PCDH10: variants seen among roughly 807,000 people sequenced by gnomAD.
PCDH10 encodes the protein protocadherin 10, also known as protocadherin-10.
PCDH10 carries 15 observed loss-of-function variants against 74.4 expected under a neutral mutation model. That is an observed-to-expected ratio of 0.20 (90% confidence interval 0.13 to 0.31). The LOEUF is 0.31. PCDH10 is among the 10% of genes least tolerant of loss of function. The probability of loss-of-function intolerance (pLI) is 1.00; values close to 1 mark genes in which losing one functional copy is unlikely to be tolerated. For synonymous variants in PCDH10, 619 were observed against 589.8 expected, an observed-to-expected ratio of 1.05 and a Z score of -0.72; for missense variants, 1,260 against 1,390.2, an observed-to-expected ratio of 0.91 and a Z score of 1.49.
intron 4 of PCDH10, among the ~76,000 whole-genome samples, chr4:133,176,478 C>A (rs1172463211): frequency 3.9e-5 from 6 of 152,090 alleles, no homozygotes; most frequent in Non-Finnish European, 8.8e-5. Context: ...AAAATTGGAA[C>A]AATGACATCA....
chr4:133,150,782 A>G lies in PCDH10; in HGVS notation c.642A>G (p.Glu214=), dbSNP rs370422575. The part of the protein sequence containing the change: ...VDGGGGGGVG[E]GGGGGGGAGL... ...GAGGAGGTGGGGGAGGAGTAGGAGA[A>G]GGAGGGGGAGGTGGCGGGGGAGCAG... Residue 214 remains glutamate (E), a synonymous_variant, in exon 1 of 5, where the codon GAA becomes GAG. Transcript: ENST00000264360. 157 of 956,140 alleles carry G rather than the reference A, an allele frequency of 1.6e-4. No individual in the cohort carries two copies. The highest frequency in any genetic ancestry group is 2.1e-4 in the Non-Finnish European group (143 of 689,250). The allele number at this position is 956,140 out of a possible 1,614,324, so 59.2% of individuals were successfully genotyped here. A position where few individuals can be genotyped will look rare whatever the true frequency, so the allele number is the denominator to read the frequency against.
At chr4:133,179,635 A>G (rs968920121) in intron 4 of PCDH10, among the ~76,000 whole-genome samples, 1 of 152,136 alleles carries the variant, frequency 6.6e-6, no homozygotes, top group Non-Finnish European at 1.5e-5. Context: ...CTCAGACACT[A>G]AGATACAGAC....
At chr4:133,184,427 A>T (rs1727486751) in intron 4 of PCDH10, among the ~76,000 whole-genome samples, 1 of 151,828 alleles carries the variant, frequency 6.6e-6, no homozygotes, top group South Asian at 2.1e-4. Flanking sequence ...GTTCGAGACC[A>T]GCCTGGGCAA....
At chr4:133,196,793 G>A (rs1229471966), downstream of PCDH10, among the ~76,000 whole-genome samples, 1 of 152,200 alleles carries the variant, frequency 6.6e-6, no homozygotes, top group African/African-American at 2.4e-5. Context: ...GGCTAGTTCG[G>A]ATCTCTTTAA....
At chr4:133,158,887 G>A (rs547933640) in intron 3 of PCDH10, among the ~76,000 whole-genome samples, 62 of 152,050 alleles carry the variant, frequency 4.1e-4, no homozygotes, top group African/African-American at 1.5e-3. Context: ...AATATTGAGA[G>A]GAAATGGTGA....
In PCDH10 at chr4:133,150,291, C is replaced by T. The variant is rs367823724; in HGVS notation, c.151C>T (p.Arg51Cys). The change falls in exon 1 of 5, where the codon CGC (arginine) becomes TGC (cysteine). Residue 51 changes from arginine to cysteine, a missense_variant. Physicochemically the swap from Arg to Cys is radical, Grantham distance 180. Around this residue, in one of 11 missense-constraint regions of PCDH10, gnomAD observed 103 missense variants for 91.5 expected, o/e 1.13. Transcript: ENST00000264360. ...LGLDITKLSA[R>C]GFQTVPNSRT... ...TCTGGACATTACAAAACTTTCGGCT[C>T]GCGGGTTTCAGACGGTGCCCAACTC... The T allele has an allele frequency of 6.2e-7, 1 of 1,613,854 alleles. No individual in the cohort carries two copies. Among genetic ancestry groups the T allele is most frequent in the Non-Finnish European group, 8.5e-7 (1 of 1,179,954 alleles).
At chr4:133,170,516 T>A (rs1727180750) in intron 4 of PCDH10, among the ~76,000 whole-genome samples, 1 of 152,168 alleles carries the variant, frequency 6.6e-6, no homozygotes, top group African/African-American at 2.4e-5. Context: ...CATTAAATTT[T>A]TAATCAGTTA....
intron 4 of PCDH10, among the ~76,000 whole-genome samples, chr4:133,167,060 T>C (rs1727096426): frequency 6.6e-6 from 1 of 151,420 alleles, no homozygotes; most frequent in African/African-American, 2.4e-5. Context: ...ATTCTGGTTG[T>C]CTCCTGACCT....
intron 3 of PCDH10, among the ~76,000 whole-genome samples, chr4:133,157,273 GTTTTC>G (rs1726886395): frequency 6.6e-6 from 1 of 152,098 alleles, no homozygotes; most frequent in South Asian, 2.1e-4. Context: ...ATTTTGAAGT[GTTTTC>G]TTTTTTAAGT....
intron 4 of PCDH10, among the ~76,000 whole-genome samples, chr4:133,172,874 C>T (rs1727227948): frequency 6.6e-6 from 1 of 151,896 alleles, no homozygotes; most frequent in South Asian, 2.1e-4. Context: ...GTGATACATG[C>T]TTTCTTCATC....
rs1578557626 is a variant in PCDH10 at position 133,152,251 on chromosome 4, G to A, written c.2111G>A (p.Arg704His). The change falls in exon 1 of 5, where the codon CGC becomes CAC. Residue 704 changes from arginine to histidine, a missense_variant. By Grantham distance (29) the Arg-to-His change is conservative (BLOSUM62 0). This residue lies in a region of PCDH10 where 587 missense variants were observed against 616.9 expected (regional missense o/e 0.95). Coordinates refer to ENST00000264360, the MANE Select transcript of PCDH10 (RefSeq NM_032961.3). ...TCAGGAGAGCACCAGCGCCCCAGTC[G>A]CTCTGGCGGCGGGGAAACCTCGCTA... ...GGSGEHQRPSRSGGGETSLDL... is the reference protein window; with the variant it reads ...GGSGEHQRPSHSGGGETSLDL... 1 of 1,611,894 alleles carries A rather than the reference G, an allele frequency of 6.2e-7. No homozygotes were observed. Among genetic ancestry groups the A allele is most frequent in the Admixed American group, 1.7e-5 (1 of 59,918 alleles).
Position 133,150,452 on chromosome 4 carries a change from G to C in PCDH10, c.312G>C (p.Glu104Asp). The C allele has an allele frequency of 6.2e-7, 1 of 1,614,014 alleles. No individual in the cohort carries two copies. Among genetic ancestry groups the C allele is most frequent in the Non-Finnish European group, 8.5e-7 (1 of 1,180,004 alleles). Reference sequence around the variant, plus strand: ...AGGTCTTTCTGGAGAACCCCCTGGAGCTGTTCCAGGTGGAGATCGAGGTGC... The same window carrying C: ...AGGTCTTTCTGGAGAACCCCCTGGACCTGTTCCAGGTGGAGATCGAGGTGC... ...HLEVFLENPL[E>D]LFQVEIEVLD... is the part of the protein sequence containing the mutation. Residue 104 changes from glutamate to aspartate, a missense_variant, in exon 1 of 5, where the codon GAG becomes GAC. Physicochemically the swap from Glu to Asp is conservative, Grantham distance 45. Around this residue, in one of 11 missense-constraint regions of PCDH10, gnomAD observed 63 missense variants for 100.7 expected, o/e 0.63. Transcript: ENST00000264360.
intron 3 of PCDH10, among the ~76,000 whole-genome samples, chr4:133,162,435 G>C (rs1726987706): frequency 1.3e-5 from 2 of 152,076 alleles, no homozygotes; most frequent in South Asian, 4.1e-4. Context: ...ATTTTCCTCT[G>C]TGTATGCCAC....
intron 3 of PCDH10, among the ~76,000 whole-genome samples, chr4:133,162,741 C>T (rs1383384512): frequency 6.6e-6 from 1 of 152,176 alleles, no homozygotes; most frequent in Non-Finnish European, 1.5e-5. Flanking sequence ...ACATTTATCT[C>T]AGAGGCCTCT....
Position 133,193,965 on chromosome 4 carries a change from A to G in PCDH10, c.*3805A>G, listed in dbSNP as rs1727737637. On this transcript the variant is annotated 3_prime_UTR_variant, in exon 5 of 5. Coordinates refer to ENST00000264360, the MANE Select transcript of PCDH10 (RefSeq NM_032961.3). Reference sequence around the variant, plus strand: ...TAAAATTATTTTATATATTGTTAGTACTTCAACAAACATCCCTCTGCTAAG... The same window carrying G: ...TAAAATTATTTTATATATTGTTAGTGCTTCAACAAACATCCCTCTGCTAAG... 1 of 151,698 alleles carries G rather than the reference A, an allele frequency of 6.6e-6. No individual in the cohort carries two copies. The highest frequency in any genetic ancestry group is 2.4e-5 in the African/African-American group (1 of 41,398). The allele number at this position is 151,698 out of a possible 1,614,324, so 9.4% of individuals were successfully genotyped here. A position where few individuals can be genotyped will look rare whatever the true frequency, so the allele number is the denominator to read the frequency against.
chr4:133,207,832 A>G (rs1396291071), intron 2 of PCDH10, among the ~76,000 whole-genome samples: 2 of 152,144 alleles, frequency 1.3e-5, no homozygotes, highest in Non-Finnish European at 2.9e-5. Context: ...ATTTAACATG[A>G]CTGTGTTTAT....
chr4:133,204,828 G>A (rs1327536570), intron 2 of PCDH10, among the ~76,000 whole-genome samples: 1 of 152,144 alleles, frequency 6.6e-6, no homozygotes, highest in African/African-American at 2.4e-5. Context: ...CTGGACAAAT[G>A]GCATCTACAG....
At chr4:133,157,631 CTCTT>C (rs1471831282) in intron 3 of PCDH10, among the ~76,000 whole-genome samples, 1 of 152,150 alleles carries the variant, frequency 6.6e-6, no homozygotes, top group Non-Finnish European at 1.5e-5. Flanking sequence ...TCCGAATTCT[CTCTT>C]TCAGTTTGTA....
intron 4 of PCDH10, among the ~76,000 whole-genome samples, chr4:133,179,992 C>T (rs1727379241): frequency 6.6e-6 from 1 of 151,982 alleles, no homozygotes; most frequent in African/African-American, 2.4e-5. Context: ...CACAAAAAAT[C>T]TTAACCATTT....
Sources: gnomAD v4.1 joint callset for allele counts (sites outside exome capture counted in the v4.1 genomes callset) on GRCh38, gnomAD v4.1.1 for gene constraint, gnomAD v4.1.1 regional missense constraint, MANE v1.5 for transcripts, NCBI Gene and HGNC (gene_info 2026-07-23, HGNC 2026-07-21) for gene names.